The following SCD variants were observed in gnomAD, a reference collection of about 807,000 sequenced individuals.
SCD encodes the protein stearoyl-CoA desaturase, also known as acyl-CoA desaturase.
In SCD, 4 loss-of-function variants were observed where a neutral mutation model predicts 35.7. The observed-to-expected ratio is 0.11, with a 90% CI of 0.06 to 0.26. SCD has a LOEUF of 0.26. SCD is among the 10% of genes least tolerant of loss of function. SCD has a pLI of 1.00. For missense variants in SCD, 282 were observed against 460.7 expected (o/e 0.61, Z 3.55); for synonymous variants, 150 against 170.2 (o/e 0.88, Z 0.92).
At chr10:100,348,665 G>T (rs1259137858) in intron 2 of SCD, among the ~76,000 whole-genome samples, 1 of 152,068 alleles carries the variant, frequency 6.6e-6, no homozygotes, top group African/African-American at 2.4e-5. Flanking sequence ...TCCCACCCCT[G>T]CCAGCCACAA....
intron 5 of SCD, among the ~76,000 whole-genome samples, chr10:100,358,967 TAA>T (rs1849961147): frequency 2.6e-5 from 4 of 152,114 alleles, no homozygotes; most frequent in Non-Finnish European, 2.9e-5. Context: ...TCTCTCTTTT[TAA>T]CTTTCACATA....
Position 100,347,514 on chromosome 10 carries a change from C to A in SCD, c.10C>A (p.His4Asn). Reference protein sequence around the residue: MPAHLLQDDISSSY... With the variant: MPANLLQDDISSSY... ...GCATCCGAGAGCCAAGATGCCGGCC[C>A]ACTTGCTGCAGGACGATGTGAGTTT... is the stretch of plus-strand genomic sequence containing the variant. Residue 4 changes from histidine (H) to asparagine (N), a missense_variant, in exon 1 of 6, where the codon CAC becomes AAC. By Grantham distance (68) the His-to-Asn change is moderately conservative. Coordinates refer to ENST00000370355, the MANE Select transcript of SCD (RefSeq NM_005063.5). The A allele has an allele frequency of 3.1e-6, 5 of 1,613,990 alleles. No homozygotes were observed. Among genetic ancestry groups the A allele is most frequent in the Non-Finnish European group, 4.2e-6 (5 of 1,180,006 alleles).
In SCD at chr10:100,347,286, G is replaced by A. The variant is rs1374163155; in HGVS notation, c.-219G>A. On this transcript the variant is annotated 5_prime_UTR_variant, in exon 1 of 6. Coordinates refer to ENST00000370355, the MANE Select transcript of SCD (RefSeq NM_005063.5). ...TGGCAGCGGATAAAAGGGGGCTGAGGAAATACCGGACACGGTCACCCGTTG... is the reference window on the plus strand; with the variant it reads ...TGGCAGCGGATAAAAGGGGGCTGAGAAAATACCGGACACGGTCACCCGTTG... The A allele has an allele frequency of 6.5e-6, 4 of 613,314 alleles. No individual in the cohort carries two copies. Among genetic ancestry groups the A allele is most frequent in the African/African-American group, 3.7e-5 (2 of 53,532 alleles). The allele number at this position is 613,314 out of a possible 1,614,324, so 38.0% of individuals were successfully genotyped here. A position where few individuals can be genotyped will look rare whatever the true frequency, so the allele number is the denominator to read the frequency against.
chr10:100,357,204 C>A (rs1358631976), intron 5 of SCD, among the ~76,000 whole-genome samples: 1 of 152,206 alleles, frequency 6.6e-6, no homozygotes, highest in Non-Finnish European at 1.5e-5. Flanking sequence ...ACATGATGAG[C>A]ACCTTAGAGT....
At position 100,364,082 on chromosome 10, in the gene SCD, A is replaced by C. The variant is rs1276382962; in HGVS notation, c.*3149A>C. On this transcript the variant is annotated 3_prime_UTR_variant, in exon 6 of 6. Transcript: ENST00000370355. ...TTTCTTAAGTGCCCACATTTGATGG[A>C]GGGTGGAAATAATTTGAATGTATTT... 6.7e-6 allele frequency: 1 copy of C among 150,066 alleles called. No homozygotes were observed. Among genetic ancestry groups the C allele is most frequent in the African/African-American group, 2.5e-5 (1 of 40,712 alleles). 9.3% of individuals were successfully genotyped at this position (150,066 alleles called of 1,614,324 possible). A position where few individuals can be genotyped will look rare whatever the true frequency, so the allele number is the denominator to read the frequency against.
intron 2 of SCD, among the ~76,000 whole-genome samples, chr10:100,350,757 T>C (rs557690257): frequency 9.8e-5 from 15 of 152,308 alleles, no homozygotes; most frequent in Non-Finnish European, 2.2e-4. Flanking sequence ...GAAGCTCCCT[T>C]GCTCATTAGA....
Position 100,354,644 on chromosome 10 carries a change from C to T in SCD, c.647+12C>T. On this transcript the variant is annotated intron_variant, in intron 4 of 5. Coordinates refer to ENST00000370355, the MANE Select transcript of SCD (RefSeq NM_005063.5). ...ATGTTCCAGAGGAGGTGAGTGAAGC[C>T]CTGATGGAGGTGGGGATATGGCCCT... 1 of 1,609,792 alleles carries T rather than the reference C, an allele frequency of 6.2e-7. No homozygotes were observed. Among genetic ancestry groups the T allele is most frequent in the Non-Finnish European group, 8.5e-7 (1 of 1,176,144 alleles).
Position 100,356,828 on chromosome 10 carries a change from G to T in SCD, c.880+64G>T, listed in dbSNP as rs75972991. 4,107 of 1,351,848 alleles carry T rather than the reference G, an allele frequency of 3.0e-3. 9 individuals are homozygous for T. Among genetic ancestry groups the T allele is most frequent in the Admixed American group, 5.5e-3 (295 of 53,994 alleles). The allele number at this position is 1,351,848 out of a possible 1,614,324, so 83.7% of individuals were successfully genotyped here. On this transcript the variant is annotated intron_variant, in intron 5 of 5. Coordinates refer to ENST00000370355, the MANE Select transcript of SCD (RefSeq NM_005063.5). The surrounding 1 kb of genome is among the most constrained non-coding windows in gnomAD (Gnocchi z 4.1). Reference sequence around the variant, plus strand: ...TGCTGATTAGGGGATTAGGCTAGGAGCCAGAAAAACTAGATAAATCTGTTT... The same window carrying T: ...TGCTGATTAGGGGATTAGGCTAGGATCCAGAAAAACTAGATAAATCTGTTT...
In SCD at chr10:100,359,846, CTCTA is replaced by C. The variant is rs1169247764; in HGVS notation, c.881-884_881-881del. The stretch of plus-strand genomic sequence containing the variant: ...GAGTCCTGCCAAGCGTTGGCAAACT[CTCTA>C]TCTGTCGAGTTTCCAAAGCTTTACA... On this transcript the variant is annotated intron_variant, in intron 5 of 5. Coordinates refer to ENST00000370355, the MANE Select transcript of SCD (RefSeq NM_005063.5). Among the ~76,000 whole-genome samples, 5 of 152,212 alleles carry C rather than the reference CTCTA, an allele frequency of 3.3e-5. No homozygotes were observed. The South Asian group carries it at 6.2e-4, about 19-fold the overall frequency.
At chr10:100,351,718 G>A (rs7895764) in intron 2 of SCD, among the ~76,000 whole-genome samples, 11,544 of 152,040 alleles carry the variant, frequency 0.076, 1,266 homozygotes, top group African/African-American at 0.25. Context: ...TTGGCTCACC[G>A]CAGCCTCGAC....
intron 2 of SCD, among the ~76,000 whole-genome samples, chr10:100,349,727 T>C (rs968384766): frequency 2.6e-5 from 4 of 152,126 alleles, no homozygotes; most frequent in Non-Finnish European, 5.9e-5. Flanking sequence ...ACAGGCCAGG[T>C]GCAGATCAGT....
At chr10:100,349,032 C>G (rs909276437) in intron 2 of SCD, among the ~76,000 whole-genome samples, 1 of 152,180 alleles carries the variant, frequency 6.6e-6, no homozygotes, top group East Asian at 1.9e-4. Flanking sequence ...AGATATGTTT[C>G]ATGTTCCATC....
intron 2 of SCD, among the ~76,000 whole-genome samples, chr10:100,351,191 G>A (rs1490894397): frequency 6.6e-6 from 1 of 152,198 alleles, no homozygotes; most frequent in African/African-American, 2.4e-5. Flanking sequence ...CTACTGAACA[G>A]AGGAAGATAT....
chr10:100,360,124 G>T (rs1234067640), intron 5 of SCD, among the ~76,000 whole-genome samples: 1 of 152,214 alleles, frequency 6.6e-6, no homozygotes, highest in Non-Finnish European at 1.5e-5. Flanking sequence ...ATCTTTGGCT[G>T]CAGGGCCCAC....
chr10:100,351,254 G>A lies in SCD; in HGVS notation c.311-1112G>A, dbSNP rs140844279. Among the ~76,000 whole-genome samples, 1,254 of 152,292 alleles carry A rather than the reference G, an allele frequency of 8.2e-3. 17 individuals are homozygous for A. Among genetic ancestry groups the A allele is most frequent in the African/African-American group, 0.028 (1,179 of 41,548 alleles). ...TTAGAGATTATATCTGGCACCTCCT[G>A]AGCCTGCAGGCCTCCAGGAAGGTGA... On this transcript the variant is annotated intron_variant, in intron 2 of 5. Coordinates refer to ENST00000370355, the MANE Select transcript of SCD (RefSeq NM_005063.5).
intron 4 of SCD, 116 bp downstream of exon 4, chr10:100,354,748 G>A: frequency 1.3e-6 from 1 of 779,832 alleles, no homozygotes; most frequent in Non-Finnish European, 2.1e-6. Context: ...GGGTTTGCAT[G>A]TTCACAATCT....
intron 5 of SCD, among the ~76,000 whole-genome samples, chr10:100,357,700 T>G (rs1849942826): frequency 6.6e-6 from 1 of 151,974 alleles, no homozygotes; most frequent in African/African-American, 2.4e-5. Context: ...CTCACCATGG[T>G]GCCCAGGCTG....
At position 100,363,698 on chromosome 10, in the gene SCD, A is replaced by G. The variant is rs1296151550; in HGVS notation, c.*2765A>G. On this transcript the variant is annotated 3_prime_UTR_variant, in exon 6 of 6. Transcript: ENST00000370355. ...CACCTCAGGCTGAGGGCCCCAATGT[A>G]TGTGTGGCTGTGGGTGTGGGTGGGA... The G allele has an allele frequency of 6.6e-6, 1 of 152,580 alleles. No individual in the cohort carries two copies. The highest frequency in any genetic ancestry group is 2.4e-5 in the African/African-American group (1 of 41,442). 9.5% of individuals were successfully genotyped at this position (152,580 alleles called of 1,614,324 possible).
intron 5 of SCD, among the ~76,000 whole-genome samples, chr10:100,360,498 C>G (rs599189): frequency 0.99 from 151,479 of 152,348 alleles, 75,318 homozygotes; most frequent in Non-Finnish European, 1. Flanking sequence ...GGGTGGTCAA[C>G]GTGGGAGGGT....
Sources: gnomAD v4.1 joint callset for allele counts (sites outside exome capture counted in the v4.1 genomes callset) on GRCh38, gnomAD v4.1.1 for gene constraint, Gnocchi (gnomAD v3.1) non-coding constraint, MANE v1.5 for transcripts, NCBI Gene and HGNC (gene_info 2026-07-23, HGNC 2026-07-21) for gene names.